The following NT5C3A variants were observed in gnomAD, a reference collection of about 807,000 sequenced individuals.
The protein encoded by NT5C3A is cytosolic 5'-nucleotidase 3A.
A neutral mutation model predicts 40.0 loss-of-function variants in NT5C3A; 23 were observed. That is an observed-to-expected ratio of 0.58 (90% CI 0.41 to 0.81). The LOEUF (loss-of-function observed/expected upper bound fraction) is 0.81. NT5C3A is among the 40% of genes least tolerant of loss of function. The pLI is 0.00. For missense variants in NT5C3A, 328 were observed against 403.0 expected, an observed-to-expected ratio of 0.81 and a Z score of 1.59; for synonymous variants, 130 against 141.4, an observed-to-expected ratio of 0.92 and a Z score of 0.57.
In NT5C3A at chr7:33,062,521, C is replaced by T. The variant is rs779225149; in HGVS notation, c.138+47G>A. 49 of 1,559,912 alleles carry T rather than the reference C, an allele frequency of 3.1e-5. 1 individual carries two copies. The highest frequency in any genetic ancestry group is 8.5e-5 in the Admixed American group (5 of 59,162). ...AGGCTGCCGAGGCCAGCGGACGGCC[C>T]AGCCGGCCCCTCGCGTGCTCTGGGC... On this transcript the variant is annotated intron_variant, in intron 1 of 8. Coordinates refer to ENST00000610140, the MANE Select transcript of NT5C3A (RefSeq NM_001002010.5).
intron 1 of NT5C3A, among the ~76,000 whole-genome samples, chr7:33,059,121 T>C (rs1787679484): frequency 6.6e-6 from 1 of 152,220 alleles, no homozygotes; most frequent in Non-Finnish European, 1.5e-5. Context: ...TGTAAAACTA[T>C]GGATGAGAAA....
intron 1 of NT5C3A, chr7:33,041,129 G>T (rs180689916): frequency 1.0e-6 from 1 of 984,834 alleles, no homozygotes; most frequent in Non-Finnish European, 1.2e-6. Flanking sequence ...AGGTAAATCT[G>T]TACTATTAGA....
At chr7:33,016,026 C>G in intron 7 of NT5C3A, 156 bp from the exon 8 acceptor site, 1 of 643,448 alleles carries the variant, frequency 1.6e-6, no homozygotes, top group Non-Finnish European at 2.8e-6. Flanking sequence ...CCATCACATT[C>G]ACCATAGCTA....
chr7:33,034,714 G>T (rs1425356838), intron 1 of NT5C3A, among the ~76,000 whole-genome samples: 3 of 152,144 alleles, frequency 2.0e-5, no homozygotes, highest in Non-Finnish European at 4.4e-5. Context: ...TACACTGGTT[G>T]GGGGAAAGAT....
At position 33,015,886 on chromosome 7, in the gene NT5C3A, AT is replaced by A. The variant is rs1318711173; in HGVS notation, c.694-17del. 2 of 1,546,608 alleles carry A rather than the reference AT, an allele frequency of 1.3e-6. No individual in the cohort carries two copies. The highest frequency in any genetic ancestry group is 3.3e-5 in the Admixed American group (2 of 59,898). On this transcript the variant is annotated splice_polypyrimidine_tract_variant and intron_variant, in intron 7 of 8. Transcript: ENST00000610140. ...TGAGCACCCCCTATGAAAAATATAA[AT>A]CTTTTGAACAGGCTTTAAAAATTCT... is the stretch of plus-strand genomic sequence containing the variant.
intron 1 of NT5C3A, among the ~76,000 whole-genome samples, chr7:33,062,191 G>C (rs1484944573): frequency 6.6e-6 from 1 of 152,172 alleles, no homozygotes; most frequent in Non-Finnish European, 1.5e-5. Flanking sequence ...CGGGAGCAAG[G>C]CAGGGAGAGA....
chr7:33,055,137 A>T (rs1301316397), intron 1 of NT5C3A, among the ~76,000 whole-genome samples: 1 of 152,036 alleles, frequency 6.6e-6, no homozygotes. Context: ...CCAGCCTGGC[A>T]AATATGGAGA....
At chr7:33,014,993 A>C (rs1785245495) in intron 8 of NT5C3A, among the ~76,000 whole-genome samples, 162 bp from the exon 9 acceptor site, 1 of 152,236 alleles carries the variant, frequency 6.6e-6, no homozygotes, top group Non-Finnish European at 1.5e-5. Flanking sequence ...CTTAAGACCC[A>C]CTGACAGACA....
intron 2 of NT5C3A, among the ~76,000 whole-genome samples, 167 bp downstream of exon 2, chr7:33,026,650 C>T (rs1428803069): frequency 6.6e-6 from 1 of 151,514 alleles, no homozygotes; most frequent in Non-Finnish European, 1.5e-5. Flanking sequence ...AGCCACTATG[C>T]CCGGCCATTT....
At chr7:33,062,133 T>C (rs80041810) in intron 1 of NT5C3A, among the ~76,000 whole-genome samples, 7 of 152,086 alleles carry the variant, frequency 4.6e-5, no homozygotes, top group Non-Finnish European at 8.8e-5. Flanking sequence ...TCTGCGGGAA[T>C]TGCAACTAGA....
chr7:33,062,222 A>G (rs1182715221), intron 1 of NT5C3A, among the ~76,000 whole-genome samples: 2 of 152,164 alleles, frequency 1.3e-5, no homozygotes, highest in Admixed American at 1.3e-4. Context: ...TGCCCAGGAC[A>G]TGCAGCTTAT....
chr7:33,053,305 A>G (rs1007094488), intron 1 of NT5C3A, among the ~76,000 whole-genome samples: 1 of 152,054 alleles, frequency 6.6e-6, no homozygotes, highest in Non-Finnish European at 1.5e-5. Context: ...CTCCTGCCAC[A>G]GCCTCCTGAG....
chr7:33,055,011 A>G (rs561159013), intron 1 of NT5C3A, among the ~76,000 whole-genome samples: 9 of 152,336 alleles, frequency 5.9e-5, no homozygotes, highest in Admixed American at 2.6e-4. Context: ...GAATGAATAT[A>G]TCTTTACTCG....
At chr7:33,049,511 A>T (rs1238622838) in intron 1 of NT5C3A, among the ~76,000 whole-genome samples, 4 of 152,202 alleles carry the variant, frequency 2.6e-5, no homozygotes, top group Non-Finnish European at 2.9e-5. Flanking sequence ...ATCATTACTA[A>T]ATAAGCCACA....
chr7:33,058,564 T>C (rs1787658510), intron 1 of NT5C3A, among the ~76,000 whole-genome samples: 1 of 152,202 alleles, frequency 6.6e-6, no homozygotes, highest in East Asian at 1.9e-4. Flanking sequence ...TTGGTCAGGC[T>C]GGTCTTGAAC....
chr7:33,054,885 A>G (rs1299078052), intron 1 of NT5C3A, among the ~76,000 whole-genome samples: 1 of 152,232 alleles, frequency 6.6e-6, no homozygotes, highest in Non-Finnish European at 1.5e-5. Flanking sequence ...TTAGGTCTAT[A>G]GTTTTGAAGC....
Position 33,015,734 on chromosome 7 carries a change from AAGTCTCCTTGGG to A in NT5C3A, c.818_829del (p.Ser273_Asp276del), listed in dbSNP as rs1368286650. On this transcript the variant is annotated inframe_deletion, in exon 8 of 9. Coordinates refer to ENST00000610140, the MANE Select transcript of NT5C3A (RefSeq NM_001002010.5). ...ATTGGCCACTCCATCTGCCATTCTT[AAGTCTCCTTGGG>A]AGTCTCCCAGAAGAATTATGTTACT... 1 of 1,612,032 alleles carries A rather than the reference AAGTCTCCTTGGG, an allele frequency of 6.2e-7. No homozygotes were observed. Among genetic ancestry groups the A allele is most frequent in the African/African-American group, 1.3e-5 (1 of 74,892 alleles).
At chr7:33,021,581 C>T (rs1785632437) in intron 4 of NT5C3A, among the ~76,000 whole-genome samples, 1 of 152,018 alleles carries the variant, frequency 6.6e-6, no homozygotes, top group Admixed American at 6.6e-5. Context: ...TGAGTAAAAA[C>T]CAACAATAAA....
intron 1 of NT5C3A, among the ~76,000 whole-genome samples, chr7:33,027,832 C>T (rs1423621523): frequency 2.0e-5 from 3 of 152,114 alleles, no homozygotes; most frequent in African/African-American, 7.2e-5. Context: ...CAGCATATCC[C>T]TCTGAAACAT....
Sources: gnomAD v4.1 joint callset for allele counts (sites outside exome capture counted in the v4.1 genomes callset) on GRCh38, gnomAD v4.1.1 for gene constraint, MANE v1.5 for transcripts, NCBI Gene and HGNC (gene_info 2026-07-23, HGNC 2026-07-21) for gene names.